The following CD300A variants were observed in gnomAD, a reference collection of about 807,000 sequenced individuals.
CD300A encodes the protein CD300a molecule.
A neutral mutation model predicts 33.6 loss-of-function variants in CD300A; 22 were observed. That is an observed-to-expected ratio of 0.66 (90% confidence interval 0.47 to 0.94). The LOEUF is 0.94. CD300A is among the 40% of genes least tolerant of loss of function. The pLI, the probability that CD300A is intolerant of heterozygous loss-of-function variation, is 0.00. For synonymous variants in CD300A, 136 were observed against 148.1 expected, an observed-to-expected ratio of 0.92 and a Z score of 0.59; for missense variants, 326 against 360.5, an observed-to-expected ratio of 0.90 and a Z score of 0.77.
chr17:74,472,612 CTT>C (rs543193668), intron 1 of CD300A, among the ~76,000 whole-genome samples: 16 of 142,318 alleles, frequency 1.1e-4, no homozygotes, highest in East Asian at 2.0e-4. Context: ...GTTTGTGACT[CTT>C]TTTTTTTTTT....
chr17:74,474,608 A>G lies in CD300A; in HGVS notation c.456A>G (p.Ser152=), dbSNP rs1217666917. The change falls in exon 3 of 7, where the codon TCA becomes TCG. Residue 152 remains serine, a synonymous_variant. Transcript: ENST00000360141. ...STITTAFPPV[S]STTLFAVGAT... Reference sequence around the variant, plus strand: ...TCACAACTGCATTTCCACCTGTATCATCCACTACCCTGTTTGCAGTGGGTG... The same window carrying G: ...TCACAACTGCATTTCCACCTGTATCGTCCACTACCCTGTTTGCAGTGGGTG... The G allele has an allele frequency of 6.8e-6, 11 of 1,614,038 alleles. No individual in the cohort carries two copies. Among genetic ancestry groups the G allele is most frequent in the Non-Finnish European group, 8.5e-6 (10 of 1,180,006 alleles).
rs1177073663 is a variant in CD300A, at chr17:74,473,347, GC to G, written c.41-187del. ...TGAGCTCTTCCGGTCTCCATGGAAAGCCTCTGCCCCATTCCCACCTGTGTGC... is the reference window on the plus strand; with the variant it reads ...TGAGCTCTTCCGGTCTCCATGGAAAGCTCTGCCCCATTCCCACCTGTGTGC... On this transcript the variant is annotated intron_variant, in intron 1 of 6. Transcript: ENST00000360141. Among the ~76,000 whole-genome samples the G allele has an allele frequency of 5.9e-5, 9 of 152,220 alleles. No individual in the cohort carries two copies. The South Asian group carries it at 1.4e-3, about 25-fold the overall frequency.
chr17:74,480,818 G>C lies in CD300A; in HGVS notation c.629-471G>C, dbSNP rs540691616. ...GCTGGAGTGCAGTGGCATGATCTCA[G>C]CTCACTGCAACCTCCGTCTCCCAGG... is the stretch of plus-strand genomic sequence containing the variant. On this transcript the variant is annotated intron_variant, in intron 4 of 6. Coordinates refer to ENST00000360141, the MANE Select transcript of CD300A (RefSeq NM_007261.4). This position sits in a 1 kb window ranked among gnomAD's most constrained non-coding sequence, Gnocchi z 4.2. Among the ~76,000 whole-genome samples, 11 of 152,272 alleles carry C rather than the reference G, an allele frequency of 7.2e-5. No homozygotes were observed. The highest frequency in any genetic ancestry group is 2.6e-4 in the African/African-American group (11 of 41,550).
At chr17:74,469,848 A>G (rs1005629709) in intron 1 of CD300A, 6 of 503,054 alleles carry the variant, frequency 1.2e-5, no homozygotes, top group African/African-American at 1.1e-4. Flanking sequence ...TAAAATAATT[A>G]ATCATTTACC....
chr17:74,475,349 T>A (rs1339550320), intron 3 of CD300A, among the ~76,000 whole-genome samples: 1 of 152,152 alleles, frequency 6.6e-6, no homozygotes, highest in East Asian at 1.9e-4. Context: ...AAGATGAGAT[T>A]TGGGTGGGGA....
At chr17:74,473,478 G>T (rs1906241077) in intron 1 of CD300A, 58 bp from the exon 2 acceptor site, 1 of 1,537,124 alleles carries the variant, frequency 6.5e-7, no homozygotes. Context: ...CTGACCCCAG[G>T]GCACCCCTGA....
chr17:74,482,462 G>A (rs1227757370), intron 6 of CD300A, among the ~76,000 whole-genome samples: 2 of 151,870 alleles, frequency 1.3e-5, no homozygotes, highest in East Asian at 1.9e-4. Flanking sequence ...CATTGTTGCT[G>A]GTCTGCCTGG....
In CD300A at chr17:74,466,683, G is replaced by A. The variant is rs761961037; in HGVS notation, c.-21G>A. On this transcript the variant is annotated 5_prime_UTR_variant, in exon 1 of 7. Transcript: ENST00000360141. Reference sequence around the variant, plus strand: ...AGGGCCTGGAGCTGCTGCAAGTGCCGCCTGTGCTGGGGAAGGGACCATGTG... The same window carrying A: ...AGGGCCTGGAGCTGCTGCAAGTGCCACCTGTGCTGGGGAAGGGACCATGTG... 6.3e-7 allele frequency: 1 copy of A among 1,588,866 alleles called. No homozygotes were observed. The highest frequency in any genetic ancestry group is 8.6e-7 in the Non-Finnish European group (1 of 1,167,236).
intron 1 of CD300A, 42 bp downstream of exon 1, chr17:74,466,785 A>T: frequency 6.4e-7 from 1 of 1,564,810 alleles, no homozygotes; most frequent in Non-Finnish European, 8.7e-7. Context: ...GCAGGGAGGG[A>T]GGGTGCGAGG....
chr17:74,472,853 A>G (rs1169409872), intron 1 of CD300A, among the ~76,000 whole-genome samples: 1 of 151,968 alleles, frequency 6.6e-6, no homozygotes, highest in Non-Finnish European at 1.5e-5. Context: ...CAAGTGATCC[A>G]CCCACCTTAG....
chr17:74,481,766 T>A lies in CD300A; in HGVS notation c.707T>A (p.Leu236Gln). 6.2e-7 allele frequency: 1 copy of A among 1,612,886 alleles called. No individual in the cohort carries two copies. The highest frequency in any genetic ancestry group is 8.5e-7 in the Non-Finnish European group (1 of 1,179,732). The part of the protein sequence containing the change: ...QSELHYANLE[L>Q]LMWPLQEKPA... ...GAGCTGCACTACGCAAATCTGGAGC[T>A]GCTGATGTGGCCTCTGCAGGAAAAG... Residue 236 changes from leucine to glutamine, a missense_variant, in exon 6 of 7, where the codon CTG (leucine) becomes CAG (glutamine). Coordinates refer to ENST00000360141, the MANE Select transcript of CD300A (RefSeq NM_007261.4).
chr17:74,468,532 C>G (rs918719391), intron 1 of CD300A, among the ~76,000 whole-genome samples: 1 of 152,116 alleles, frequency 6.6e-6, no homozygotes, highest in African/African-American at 2.4e-5. Context: ...AGGGTCTTAC[C>G]ATGTTGCCCA....
chr17:74,473,919 A>C, intron 2 of CD300A, 45 bp downstream of exon 2: 1 of 1,581,118 alleles, frequency 6.3e-7, no homozygotes, highest in Non-Finnish European at 8.6e-7. Flanking sequence ...TCAGGTTGGA[A>C]TTGTTGGGGC....
upstream of CD300A, chr17:74,466,425 T>G: frequency 2.1e-6 from 1 of 479,574 alleles, no homozygotes. Context: ...AGCTACGGAG[T>G]CACTACAGGG....
rs1478742515 is a variant in CD300A, at chr17:74,481,771, A to C, written c.712A>C (p.Met238Leu). 6.2e-7 allele frequency: 1 copy of C among 1,613,064 alleles called. No homozygotes were observed. Among genetic ancestry groups the C allele is most frequent in the Non-Finnish European group, 8.5e-7 (1 of 1,179,796 alleles). The part of the protein sequence containing the change: ...ELHYANLELL[M>L]WPLQEKPAPP... ...GCACTACGCAAATCTGGAGCTGCTG[A>C]TGTGGCCTCTGCAGGAAAAGCCAGC... Residue 238 changes from methionine to leucine, a missense_variant, in exon 6 of 7, where the codon ATG (methionine) becomes CTG (leucine). Transcript: ENST00000360141.
At chr17:74,477,375 TAAA>T (rs1413359951) in intron 3 of CD300A, 58 bp from the exon 4 acceptor site, 1 of 1,119,574 alleles carries the variant, frequency 8.9e-7, no homozygotes, top group African/African-American at 1.6e-5. Flanking sequence ...AAAATAAAAA[TAAA>T]AAAGTAAGTT....
chr17:74,467,168 G>A (rs1225018570), intron 1 of CD300A, among the ~76,000 whole-genome samples: 2 of 139,828 alleles, frequency 1.4e-5, no homozygotes, highest in African/African-American at 2.7e-5. Context: ...GGAGGGGGGT[G>A]TGGGGAGGGT....
chr17:74,468,863 G>A (rs148503939), intron 1 of CD300A, among the ~76,000 whole-genome samples: 2,090 of 152,302 alleles, frequency 0.014, 62 homozygotes, highest in African/African-American at 0.047. Flanking sequence ...TCACCATGTT[G>A]CCCAAGGTGG....
At chr17:74,470,749 A>G (rs543547173) in intron 1 of CD300A, among the ~76,000 whole-genome samples, 4 of 152,002 alleles carry the variant, frequency 2.6e-5, no homozygotes, top group African/African-American at 9.6e-5. Context: ...CCTGGACTCA[A>G]GTGATCCTCC....
Sources: gnomAD v4.1 joint callset for allele counts (sites outside exome capture counted in the v4.1 genomes callset) on GRCh38, gnomAD v4.1.1 for gene constraint, Gnocchi (gnomAD v3.1) non-coding constraint, MANE v1.5 for transcripts, NCBI Gene and HGNC (gene_info 2026-07-23, HGNC 2026-07-21) for gene names.